DLG5: variants seen among roughly 807,000 people sequenced by gnomAD.
The protein encoded by DLG5 is disks large homolog 5.
DLG5 carries 48 observed loss-of-function variants against 189.8 expected under a neutral mutation model. That is an observed-to-expected ratio of 0.25 (90% CI 0.20 to 0.32). The LOEUF is 0.32. Ranked by LOEUF, DLG5 falls within the 10% of genes least tolerant of loss-of-function variation. The probability of loss-of-function intolerance (pLI) is 1.00; values close to 1 mark genes in which losing one functional copy is unlikely to be tolerated. For synonymous variants in DLG5, 1,016 were observed against 1,054.1 expected, an observed-to-expected ratio of 0.96 and a Z score of 0.70; for missense variants, 2,160 against 2,544.7, an observed-to-expected ratio of 0.85 and a Z score of 3.25.
intron 31 of DLG5, chr10:77,792,931 T>G: frequency 4.0e-6 from 1 of 248,262 alleles, no homozygotes; most frequent in Non-Finnish European, 7.9e-6. Flanking sequence ...CACAGAAAGA[T>G]GATGGCGCCA....
intron 3 of DLG5, among the ~76,000 whole-genome samples, chr10:77,856,399 A>G (rs575030846): frequency 1.3e-5 from 2 of 152,240 alleles, no homozygotes; most frequent in South Asian, 4.1e-4. Flanking sequence ...TAATATGTTT[A>G]CCAACCACAT....
At chr10:77,929,741 T>G (rs969895717), upstream of DLG5, 3 of 152,098 alleles carry the variant, frequency 2.0e-5, no homozygotes, top group African/African-American at 7.2e-5. Context: ...TCCCTGAGAG[T>G]ATCCAGAAGA....
intron 13 of DLG5, among the ~76,000 whole-genome samples, chr10:77,827,763 G>A (rs1400681657): frequency 6.6e-6 from 1 of 152,194 alleles, no homozygotes; most frequent in Non-Finnish European, 1.5e-5. Flanking sequence ...AATACCATAA[G>A]GTGGGTAACA....
At chr10:77,808,134 C>T (rs1156617190) in intron 24 of DLG5, among the ~76,000 whole-genome samples, 190 bp from the exon 25 acceptor site, 1 of 152,228 alleles carries the variant, frequency 6.6e-6, no homozygotes, top group Non-Finnish European at 1.5e-5. Flanking sequence ...TGTGCATGCT[C>T]CCTGGACACC....
chr10:77,897,941 C>G (rs1432850903), intron 1 of DLG5, among the ~76,000 whole-genome samples: 1 of 152,164 alleles, frequency 6.6e-6, no homozygotes, highest in Non-Finnish European at 1.5e-5. Context: ...CAGGCAGGTT[C>G]TATCTCCTTT....
At chr10:77,911,845 G>T (rs75326651) in intron 1 of DLG5, among the ~76,000 whole-genome samples, 3 of 151,448 alleles carry the variant, frequency 2.0e-5, no homozygotes, top group Non-Finnish European at 4.4e-5. Flanking sequence ...GCATAAAAAC[G>T]AACAGTTCTC....
intron 1 of DLG5, among the ~76,000 whole-genome samples, chr10:77,897,412 T>G (rs191438686): frequency 2.0e-5 from 3 of 152,186 alleles, no homozygotes; most frequent in Admixed American, 1.3e-4. Context: ...ACAATTGATT[T>G]AAAAACAAGT....
At position 77,811,171 on chromosome 10, in the gene DLG5, C is replaced by T; in HGVS notation, c.4386G>A (p.Glu1462=). ...TLQGSGTTTP[E]HPSVIDPLME... ...TCAGTGGGTCGATGACAGATGGATG[C>T]TCCGGGGTGGTGGTGCCACTGCCCT... Residue 1462 remains glutamate, a synonymous_variant, in exon 23 of 32, where the codon GAG becomes GAA. Transcript: ENST00000372391. The T allele has an allele frequency of 1.2e-6, 2 of 1,613,382 alleles. No homozygotes were observed. The highest frequency in any genetic ancestry group is 1.7e-6 in the Non-Finnish European group (2 of 1,179,984).
intron 5 of DLG5, 65 bp from the exon 6 acceptor site, chr10:77,843,771 TCA>T: frequency 1.3e-6 from 2 of 1,599,526 alleles, no homozygotes; most frequent in Non-Finnish European, 1.7e-6. Context: ...CCTCCCACTC[TCA>T]CTTTTGTCTA....
rs755315352 is a variant in DLG5 at position 77,806,840 on chromosome 10, C to T, written c.4885G>A (p.Gly1629Ser). ...ILYVDDTLPQ[G>S]TFGSWMAWQL... ...CAAGCCATCCAGGACCCGAACGTGC[C>T]CTGGGGTAAGGTGTCATCCACGTAG... is the stretch of plus-strand genomic sequence containing the variant. Residue 1629 changes from glycine (G) to serine (S), a missense_variant, in exon 26 of 32, where the codon GGC (glycine) becomes AGC (serine). Physicochemically the swap from Gly to Ser is moderately conservative, Grantham distance 56. This residue lies in a region of DLG5 where 574 missense variants were observed against 644.2 expected (regional missense o/e 0.89). Transcript: ENST00000372391. 6.2e-7 allele frequency: 1 copy of T among 1,614,122 alleles called. No homozygotes were observed. The highest frequency in any genetic ancestry group is 1.1e-5 in the South Asian group (1 of 91,086).
In DLG5 at chr10:77,907,805, G is replaced by A. The variant is rs775550617; in HGVS notation, c.304+18412C>T. Reference sequence around the variant, plus strand: ...ACCCAGTATCTTGGCTCAGGTACAGGCTCTTAATTACTCTCCTAAACTGAC... The same window carrying A: ...ACCCAGTATCTTGGCTCAGGTACAGACTCTTAATTACTCTCCTAAACTGAC... On this transcript the variant is annotated intron_variant, in intron 1 of 31. Coordinates refer to ENST00000372391, the MANE Select transcript of DLG5 (RefSeq NM_004747.4). Among the ~76,000 whole-genome samples the A allele has an allele frequency of 2.6e-5, 4 of 152,114 alleles. No homozygotes were observed. The East Asian group carries it at 7.7e-4, about 29-fold the overall frequency.
intron 1 of DLG5, among the ~76,000 whole-genome samples, chr10:77,891,615 C>T (rs1318318439): frequency 2.1e-5 from 3 of 144,840 alleles, no homozygotes; most frequent in Admixed American, 7.0e-5. Flanking sequence ...CACACACACA[C>T]GAGAAGAAAG....
At chr10:77,885,248 G>A (rs1170540298) in intron 1 of DLG5, among the ~76,000 whole-genome samples, 4 of 152,086 alleles carry the variant, frequency 2.6e-5, no homozygotes, top group Admixed American at 6.6e-5. Context: ...CAGAAAACAG[G>A]CCCATGCTAC....
At chr10:77,812,425 T>C (rs981729588) in intron 20 of DLG5, 48 bp from the exon 21 acceptor site, 9 of 1,587,382 alleles carry the variant, frequency 5.7e-6, no homozygotes, top group Admixed American at 1.7e-5. Flanking sequence ...AACAAAAGGG[T>C]TGGGGAGAGC....
chr10:77,856,950 G>T, intron 2 of DLG5, 58 bp from the exon 3 acceptor site: 1 of 1,535,546 alleles, frequency 6.5e-7, no homozygotes, highest in Non-Finnish European at 8.8e-7. Flanking sequence ...CGAGGCGCCC[G>T]GTGCTGTCCT....
intron 27 of DLG5, 149 bp downstream of exon 27, chr10:77,805,516 A>AC (rs1171623981): frequency 1.4e-5 from 12 of 831,514 alleles, no homozygotes; most frequent in Admixed American, 9.1e-5. Context: ...AGATGGCAGC[A>AC]CCCCCCGACC....
rs10531052 is a variant in DLG5 at position 77,837,214 on chromosome 10, CAAAAAAA to C, written c.1438-1299_1438-1293del. Among the ~76,000 whole-genome samples, 14 of 69,712 alleles carry C rather than the reference CAAAAAAA, an allele frequency of 2.0e-4. No individual in the cohort carries two copies. In the Admixed American group the frequency reaches 2.4e-3, roughly 12 times the overall value. 45.7% of individuals were successfully genotyped at this position (69,712 alleles called of 152,430 possible). On this transcript the variant is annotated intron_variant, in intron 7 of 31. Coordinates refer to ENST00000372391, the MANE Select transcript of DLG5 (RefSeq NM_004747.4). ...TGGACAACAGAGGGAGACTCGGTCT[CAAAAAAA>C]AAAAAAAAAAAAAAAAAAAAGTGTA...
chr10:77,814,096 G>A (rs1841916320), intron 20 of DLG5, among the ~76,000 whole-genome samples: 1 of 151,940 alleles, frequency 6.6e-6, no homozygotes, highest in Non-Finnish European at 1.5e-5. Flanking sequence ...TCCTGCCTCA[G>A]CCTCTCAAGT....
intron 1 of DLG5, among the ~76,000 whole-genome samples, chr10:77,924,459 G>A (rs113663526): frequency 5.9e-5 from 9 of 152,226 alleles, no homozygotes; most frequent in Admixed American, 3.9e-4. Context: ...AGATTAAGGC[G>A]AGCGTTGATT....
Sources: allele counts gnomAD v4.1 joint callset (sites outside exome capture counted in the v4.1 genomes callset), GRCh38; gene constraint gnomAD v4.1.1; regional missense constraint gnomAD v4.1.1; transcripts MANE v1.5; gene names NCBI Gene and HGNC (gene_info 2026-07-23, HGNC 2026-07-21).